GSAP: variants seen among roughly 807,000 people sequenced by gnomAD.
GSAP encodes the protein gamma-secretase activating protein.
A neutral mutation model predicts 131.7 loss-of-function variants in GSAP; 118 were observed. That is an observed-to-expected ratio of 0.90 (90% CI 0.77 to 1.04). The LOEUF is 1.04. GSAP is among the 50% of genes least tolerant of loss of function. GSAP has a pLI of 0.00. For synonymous variants in GSAP, 381 were observed against 363.4 expected, an observed-to-expected ratio of 1.05 and a Z score of -0.55; for missense variants, 1,019 against 1,013.2, an observed-to-expected ratio of 1.01 and a Z score of -0.08.
chr7:77,349,787 T>G (rs147886640), intron 18 of GSAP, among the ~76,000 whole-genome samples: 513 of 152,298 alleles, frequency 3.4e-3, no homozygotes, highest in African/African-American at 0.011. Flanking sequence ...TTCCTCTCTC[T>G]TCTTTCACTT....
chr7:77,353,480 G>T, intron 17 of GSAP, 92 bp downstream of exon 17: 1 of 717,030 alleles, frequency 1.4e-6, no homozygotes. Context: ...GTAGCATTTG[G>T]ACAGGTTGAG....
At chr7:77,355,831 C>T in intron 14 of GSAP, among the ~76,000 whole-genome samples, 184 bp from the exon 15 acceptor site, 1 of 139,430 alleles carries the variant, frequency 7.2e-6, no homozygotes, top group East Asian at 2.0e-4. Flanking sequence ...CTCTGTCACC[C>T]AGGCTGGAGT....
chr7:77,414,126 G>A (rs544061254), intron 1 of GSAP, among the ~76,000 whole-genome samples: 78 of 152,274 alleles, frequency 5.1e-4, no homozygotes, highest in African/African-American at 1.8e-3. Context: ...TATCTCATGA[G>A]AATTACTTAG....
chr7:77,409,219 C>T (rs1055425283), intron 1 of GSAP, among the ~76,000 whole-genome samples: 9 of 152,114 alleles, frequency 5.9e-5, no homozygotes, highest in Admixed American at 5.9e-4. Context: ...TGATGACTCA[C>T]GCCTGTAATC....
rs539257022 is a variant in GSAP, at chr7:77,373,432, G to A, written c.871+638C>T. The stretch of plus-strand genomic sequence containing the variant: ...ACTCAAGTAGTAAATGTCCATTAAA[G>A]TTGGGATATTAAAAATGGCTATTAC... On this transcript the variant is annotated intron_variant, in intron 12 of 30. Transcript: ENST00000257626. Among the ~76,000 whole-genome samples the A allele has an allele frequency of 5.3e-5, 8 of 152,300 alleles. No individual in the cohort carries two copies. The East Asian group carries it at 1.3e-3, about 26-fold the overall frequency.
intron 1 of GSAP, among the ~76,000 whole-genome samples, chr7:77,413,156 T>C (rs1043918806): frequency 1.3e-5 from 2 of 152,092 alleles, no homozygotes; most frequent in Non-Finnish European, 2.9e-5. Context: ...ATTAACACCC[T>C]TAAGAGGAAG....
At chr7:77,414,003 C>T (rs140007674) in intron 1 of GSAP, among the ~76,000 whole-genome samples, 22 of 152,264 alleles carry the variant, frequency 1.4e-4, no homozygotes, top group African/African-American at 5.3e-4. Context: ...AATGCAGTAA[C>T]CAAATCTGTT....
chr7:77,349,694 A>G (rs1374192750), intron 18 of GSAP, among the ~76,000 whole-genome samples: 1 of 152,204 alleles, frequency 6.6e-6, no homozygotes, highest in Non-Finnish European at 1.5e-5. Flanking sequence ...ATTTTTATAC[A>G]TTTCTATTAA....
At chr7:77,403,808 A>C (rs1801787490) in intron 3 of GSAP, among the ~76,000 whole-genome samples, 1 of 152,240 alleles carries the variant, frequency 6.6e-6, no homozygotes, top group African/African-American at 2.4e-5. Context: ...TTTGTGGTCC[A>C]ATAGTCCTTG....
At chr7:77,414,450 G>GGCTAATATC (rs1371849938) in intron 1 of GSAP, among the ~76,000 whole-genome samples, 1 of 152,050 alleles carries the variant, frequency 6.6e-6, no homozygotes, top group Non-Finnish European at 1.5e-5. Flanking sequence ...AGTATAACAG[G>GGCTAATATC]GCTAATATCT....
chr7:77,378,998 T>C (rs1213954196), intron 8 of GSAP, among the ~76,000 whole-genome samples: 2 of 152,174 alleles, frequency 1.3e-5, no homozygotes, highest in Non-Finnish European at 2.9e-5. Flanking sequence ...GGGGGCCATG[T>C]GGCATAAAGA....
At chr7:77,373,563 A>ATTTTTCTTTACCCTCTGCAT (rs1427421776) in intron 12 of GSAP, among the ~76,000 whole-genome samples, 1 of 152,132 alleles carries the variant, frequency 6.6e-6, no homozygotes, top group African/African-American at 2.4e-5. Flanking sequence ...ATCTTTAGGT[A>ATTTTTCTTTACCCTCTGCAT]TTTTTCTTTA....
rs71692183 is a variant in GSAP, at chr7:77,381,365, AAAAC to A, written c.527-15_527-12del. 0.086 allele frequency: 120,644 copies of A among 1,410,022 alleles called. 8,921 individuals carry two copies. Among genetic ancestry groups the A allele is most frequent in the East Asian group, 0.41 (17,612 of 42,476 alleles). 87.3% of individuals were successfully genotyped at this position (1,410,022 alleles called of 1,614,324 possible). ...GAAATTGTTCAATATCTTTAAAAGA[AAAAC>A]AAAGAAAGATAATTTAACCTTAAGG... is the stretch of plus-strand genomic sequence containing the variant. On this transcript the variant is annotated splice_polypyrimidine_tract_variant and intron_variant, in intron 7 of 30. Coordinates refer to ENST00000257626, the MANE Select transcript of GSAP (RefSeq NM_017439.4).
At chr7:77,327,663 G>C (rs982169954) in intron 22 of GSAP, among the ~76,000 whole-genome samples, 1 of 152,234 alleles carries the variant, frequency 6.6e-6, no homozygotes, top group African/African-American at 2.4e-5. Context: ...TGACCTTCAT[G>C]AGGCACGAAA....
At chr7:77,405,430 A>AT (rs888886655) in intron 2 of GSAP, among the ~76,000 whole-genome samples, 1 of 152,218 alleles carries the variant, frequency 6.6e-6, no homozygotes, top group African/African-American at 2.4e-5. Context: ...TTTACTTGGC[A>AT]TTTTTTGTCT....
At chr7:77,369,470 C>G (rs1257834841) in intron 12 of GSAP, among the ~76,000 whole-genome samples, 1 of 152,058 alleles carries the variant, frequency 6.6e-6, no homozygotes, top group East Asian at 1.9e-4. Context: ...TTTCTTAGTG[C>G]TGGGAAATTC....
At chr7:77,314,554 GA>G in intron 26 of GSAP, 65 bp from the exon 27 acceptor site, 1 of 1,587,016 alleles carries the variant, frequency 6.3e-7, no homozygotes, top group East Asian at 2.3e-5. Flanking sequence ...CCGGGGAATG[GA>G]TTAGATCATG....
At chr7:77,412,637 A>G (rs1025642258) in intron 1 of GSAP, among the ~76,000 whole-genome samples, 1 of 152,118 alleles carries the variant, frequency 6.6e-6, no homozygotes, top group Non-Finnish European at 1.5e-5. Flanking sequence ...TAACCCCTAA[A>G]ATAATCAATT....
At chr7:77,407,274 ATATTAG>A (rs1802459096) in intron 1 of GSAP, among the ~76,000 whole-genome samples, 1 of 152,156 alleles carries the variant, frequency 6.6e-6, no homozygotes, top group Non-Finnish European at 1.5e-5. Context: ...ACTTTGTCTG[ATATTAG>A]TATAACTACA....
Sources: allele counts gnomAD v4.1 joint callset (sites outside exome capture counted in the v4.1 genomes callset), GRCh38; gene constraint gnomAD v4.1.1; transcripts MANE v1.5; gene names NCBI Gene and HGNC (gene_info 2026-07-23, HGNC 2026-07-21).